Variants in SLC7A11 observed in about 807,000 individuals in gnomAD.
SLC7A11 encodes the protein solute carrier family 7 member 11, also known as cystine/glutamate transporter.
In SLC7A11, 35 loss-of-function variants were observed where a neutral mutation model predicts 54.5. That is an observed-to-expected ratio of 0.64 (90% CI 0.49 to 0.85). SLC7A11 has a LOEUF of 0.85. Ranked by LOEUF, SLC7A11 falls within the 40% of genes least tolerant of loss-of-function variation. The pLI, the probability that SLC7A11 is intolerant of heterozygous loss-of-function variation, is 0.00. For missense variants in SLC7A11, 583 were observed against 618.1 expected, an observed-to-expected ratio of 0.94 and a Z score of 0.60; for synonymous variants, 230 against 225.2, an observed-to-expected ratio of 1.02 and a Z score of -0.19.
intron 11 of SLC7A11, chr4:138,175,719 C>G (rs1329765205): frequency 6.6e-6 from 1 of 151,990 alleles, no homozygotes. Flanking sequence ...AGAGATTTAT[C>G]AAATCTCTGA....
intron 6 of SLC7A11, among the ~76,000 whole-genome samples, chr4:138,210,736 C>T (rs896402898): frequency 2.0e-5 from 3 of 151,954 alleles, no homozygotes; most frequent in African/African-American, 7.2e-5. Context: ...ATTAGAAAGT[C>T]AAAAAATAAC....
chr4:138,220,424 T>A (rs1737784680), intron 4 of SLC7A11, among the ~76,000 whole-genome samples: 2 of 152,088 alleles, frequency 1.3e-5, no homozygotes, highest in Admixed American at 6.6e-5. Flanking sequence ...GAAAGTCCAC[T>A]CACTCTGTGA....
chr4:138,218,241 T>G (rs944188462), intron 5 of SLC7A11, among the ~76,000 whole-genome samples: 3 of 152,222 alleles, frequency 2.0e-5, no homozygotes, highest in Non-Finnish European at 4.4e-5. Context: ...TATATTTGTG[T>G]TGGAAATGCA....
At chr4:138,194,294 T>G (rs951748036) in intron 6 of SLC7A11, among the ~76,000 whole-genome samples, 1 of 152,174 alleles carries the variant, frequency 6.6e-6, no homozygotes, top group Admixed American at 6.5e-5. Flanking sequence ...CTCCTCAGGC[T>G]GTCCATTTAT....
intron 3 of SLC7A11, among the ~76,000 whole-genome samples, chr4:138,229,924 C>T (rs1466670412): frequency 1.3e-5 from 2 of 152,134 alleles, no homozygotes. Flanking sequence ...CCCTGCTCTT[C>T]TCTTTTTTAA....
chr4:138,201,188 T>C (rs1340128893), intron 6 of SLC7A11, among the ~76,000 whole-genome samples: 1 of 152,124 alleles, frequency 6.6e-6, no homozygotes, highest in African/African-American at 2.4e-5. Flanking sequence ...TTTTACATAT[T>C]TTGGCCTATT....
In SLC7A11 at chr4:138,169,207, AAT is replaced by A. The variant is rs1256883560; in HGVS notation, c.*2747_*2748del. 1.3e-5 allele frequency: 2 copies of A among 152,050 alleles called. No individual in the cohort carries two copies. Among genetic ancestry groups the A allele is most frequent in the Non-Finnish European group, 2.9e-5 (2 of 67,986 alleles). 9.4% of individuals were successfully genotyped at this position (152,050 alleles called of 1,614,324 possible). ...TGTGTGTGTGTGCATATCGTATAAA[AAT>A]ATGAGAAAAATTTTACTTATATAAA... On this transcript the variant is annotated 3_prime_UTR_variant, in exon 12 of 12. Coordinates refer to ENST00000280612, the MANE Select transcript of SLC7A11 (RefSeq NM_014331.4).
chr4:138,198,591 G>A (rs1737197302), intron 6 of SLC7A11, among the ~76,000 whole-genome samples: 2 of 152,112 alleles, frequency 1.3e-5, no homozygotes, highest in Admixed American at 6.6e-5. Context: ...TATTGGGAGA[G>A]GAAATTAATA....
chr4:138,194,522 A>G (rs1737085433), intron 6 of SLC7A11, among the ~76,000 whole-genome samples: 3 of 152,150 alleles, frequency 2.0e-5, no homozygotes, highest in African/African-American at 7.2e-5. Context: ...CAAGGGAAAC[A>G]AAAGTGGTTC....
At chr4:138,188,850 T>C (rs1443973915) in intron 6 of SLC7A11, among the ~76,000 whole-genome samples, 1 of 152,200 alleles carries the variant, frequency 6.6e-6, no homozygotes, top group Non-Finnish European at 1.5e-5. Flanking sequence ...CTTAACAAAA[T>C]TAAGTTCTAT....
chr4:138,237,392 G>GT (rs897648735), intron 1 of SLC7A11, among the ~76,000 whole-genome samples: 192 of 148,144 alleles, frequency 1.3e-3, no homozygotes, highest in African/African-American at 4.1e-3. Context: ...CTCTCTGGGT[G>GT]TTTTTTTTTG....
chr4:138,188,928 C>T (rs1001705927), intron 6 of SLC7A11, among the ~76,000 whole-genome samples: 21 of 152,128 alleles, frequency 1.4e-4, no homozygotes, highest in Non-Finnish European at 2.9e-4. Context: ...TTACTTAATC[C>T]TAACAGCTTT....
rs1333985207 is a variant in SLC7A11 at position 138,167,139 on chromosome 4, ATCTTTTTTTT to A, written c.*4807_*4816del. ...GCATACCTTTAGCTATTATTTAAAAATCTTTTTTTTTTTTTTTTTTTTTTTTTGAGATGAA... is the reference window on the plus strand; with the variant it reads ...GCATACCTTTAGCTATTATTTAAAAATTTTTTTTTTTTTTTTTGAGATGAA... On this transcript the variant is annotated 3_prime_UTR_variant, in exon 12 of 12. Coordinates refer to ENST00000280612, the MANE Select transcript of SLC7A11 (RefSeq NM_014331.4). 2 of 142,236 alleles carry A rather than the reference ATCTTTTTTTT, an allele frequency of 1.4e-5. No individual in the cohort carries two copies. Among genetic ancestry groups the A allele is most frequent in the Admixed American group, 7.1e-5 (1 of 14,164 alleles). 8.8% of individuals were successfully genotyped at this position (142,236 alleles called of 1,614,324 possible).
chr4:138,209,032 T>C (rs1737478515), intron 6 of SLC7A11, among the ~76,000 whole-genome samples: 1 of 152,034 alleles, frequency 6.6e-6, no homozygotes, highest in Non-Finnish European at 1.5e-5. Flanking sequence ...AAGTTATTTC[T>C]TGGAGTAATG....
intron 6 of SLC7A11, among the ~76,000 whole-genome samples, chr4:138,209,162 AAATT>A (rs1437824667): frequency 6.6e-6 from 1 of 152,038 alleles, no homozygotes; most frequent in Non-Finnish European, 1.5e-5. Context: ...TCACTAATCT[AAATT>A]AATTATCATC....
At chr4:138,222,920 T>A (rs74594044) in intron 4 of SLC7A11, among the ~76,000 whole-genome samples, 1 of 145,608 alleles carries the variant, frequency 6.9e-6, no homozygotes, top group South Asian at 2.2e-4. Context: ...TTTTTTTTTT[T>A]CCACTTCGAG....
Position 138,179,221 on chromosome 4 carries a change from C to T in SLC7A11, c.1440G>A (p.Met480Ile). 2 of 1,601,156 alleles carry T rather than the reference C, an allele frequency of 1.2e-6. No homozygotes were observed. Among genetic ancestry groups the T allele is most frequent in the South Asian group, 1.1e-5 (1 of 90,676 alleles). ...GAAAGTATTTAAAATTCTTACCCGACATTATTCTAAACCACCTGGGTTTCT... is the reference window on the plus strand; with the variant it reads ...GAAAGTATTTAAAATTCTTACCCGATATTATTCTAAACCACCTGGGTTTCT... ...WDKKPRWFRI[M>I]SEKITRTLQI... The change falls in exon 11 of 12, where the codon ATG becomes ATA. Residue 480 changes from methionine to isoleucine, a missense_variant. Physicochemically the swap from Met to Ile is conservative, Grantham distance 10. Coordinates refer to ENST00000280612, the MANE Select transcript of SLC7A11 (RefSeq NM_014331.4).
chr4:138,194,652 T>C (rs1381074028), intron 6 of SLC7A11, among the ~76,000 whole-genome samples: 1 of 152,186 alleles, frequency 6.6e-6, no homozygotes, highest in Non-Finnish European at 1.5e-5. Flanking sequence ...AATTGTCTTT[T>C]GGTGACATCT....
At chr4:138,181,741 CTT>C (rs1460575839) in intron 9 of SLC7A11, among the ~76,000 whole-genome samples, 3 of 152,232 alleles carry the variant, frequency 2.0e-5, no homozygotes, top group Non-Finnish European at 4.4e-5. Flanking sequence ...ACATTTCACA[CTT>C]TGCTCTGCAG....
Sources: gnomAD v4.1 joint callset for allele counts (sites outside exome capture counted in the v4.1 genomes callset) on GRCh38, gnomAD v4.1.1 for gene constraint, MANE v1.5 for transcripts, NCBI Gene and HGNC (gene_info 2026-07-23, HGNC 2026-07-21) for gene names.